MAP2: variants seen among roughly 807,000 people sequenced by gnomAD.
MAP2 encodes microtubule-associated protein 2.
MAP2 carries 14 observed loss-of-function variants against 137.6 expected under a neutral mutation model. The ratio of observed to expected loss-of-function variants is 0.10; its 90% CI spans 0.07 to 0.16. The LOEUF (loss-of-function observed/expected upper bound fraction) is 0.16. MAP2 is among the 10% of genes least tolerant of loss of function. The pLI, the probability that MAP2 is intolerant of heterozygous loss-of-function variation, is 1.00. For synonymous variants in MAP2, 786 were observed against 782.3 expected, an observed-to-expected ratio of 1.00 and a Z score of -0.08; for missense variants, 2,088 against 2,191.5, an observed-to-expected ratio of 0.95 and a Z score of 0.94.
intron 14 of MAP2, 97 bp downstream of exon 14, chr2:209,725,887 G>A (rs1051198037): frequency 3.0e-6 from 2 of 661,674 alleles, no homozygotes; most frequent in African/African-American, 1.9e-5. Flanking sequence ...TAATTGGAAG[G>A]ATGTTTTAAA....
intron 3 of MAP2, among the ~76,000 whole-genome samples, chr2:209,614,912 G>A (rs890518232): frequency 2.6e-5 from 4 of 152,132 alleles, no homozygotes; most frequent in Admixed American, 1.3e-4. Flanking sequence ...CCAGTGAGTC[G>A]ATGAACTTCC....
chr2:209,579,496 A>T (rs2075909827), intron 2 of MAP2: 1 of 152,182 alleles, frequency 6.6e-6, no homozygotes, highest in African/African-American at 2.4e-5. Context: ...GTGGCTTGTC[A>T]TCATTCTCGA....
intron 2 of MAP2, among the ~76,000 whole-genome samples, chr2:209,554,998 G>C (rs2070214067): frequency 6.7e-6 from 1 of 149,142 alleles, no homozygotes; most frequent in South Asian, 2.1e-4. Flanking sequence ...GTTTCAGAAG[G>C]GATTTAAAGT....
intron 10 of MAP2, among the ~76,000 whole-genome samples, chr2:209,697,534 G>T (rs2060522035): frequency 6.6e-6 from 1 of 151,742 alleles, no homozygotes; most frequent in Non-Finnish European, 1.5e-5. Flanking sequence ...AAAATGAAAA[G>T]CAAGCCAGGA....
chr2:209,473,446 C>T (rs1023866540), intron 1 of MAP2, among the ~76,000 whole-genome samples: 1 of 152,128 alleles, frequency 6.6e-6, no homozygotes, highest in South Asian at 2.1e-4. Flanking sequence ...GAAGAGTCTA[C>T]AGCAGGACCT....
chr2:209,588,962 T>C (rs534326933), intron 3 of MAP2, among the ~76,000 whole-genome samples: 2 of 152,266 alleles, frequency 1.3e-5, no homozygotes, highest in South Asian at 4.1e-4. Flanking sequence ...TGGCTGTACT[T>C]TTCCTCTGTA....
Position 209,696,247 on chromosome 2 carries a change from T to A in MAP2, c.4077T>A (p.Val1359=), listed in dbSNP as rs139772651. The A allele has an allele frequency of 9.9e-6, 16 of 1,613,162 alleles. No individual in the cohort carries two copies. The highest frequency in any genetic ancestry group is 1.3e-5 in the African/African-American group (1 of 74,792). ...CAGCTTCCCCTGAGAGAGAAGAGGT[T>A]GCACTTTCTGAATATAAGACAGAAA... ...EAPASPEREE[V]ALSEYKTETY... The change falls in exon 8 of 16, where the codon GTT becomes GTA. Residue 1359 remains valine, a synonymous_variant. Coordinates refer to ENST00000682079, the MANE Select transcript of MAP2 (RefSeq NM_001375505.1).
At chr2:209,606,225 G>A (rs976288381) in intron 3 of MAP2, among the ~76,000 whole-genome samples, 13 of 151,826 alleles carry the variant, frequency 8.6e-5, no homozygotes, top group African/African-American at 3.1e-4. Context: ...TTTTATTTCT[G>A]GCTCTTTCAT....
intron 2 of MAP2, among the ~76,000 whole-genome samples, chr2:209,512,263 C>A (rs36101555): frequency 0.058 from 8,787 of 151,866 alleles, 286 homozygotes; most frequent in South Asian, 0.092. Context: ...AAAACACCAC[C>A]TTGTGTCTGA....
chr2:209,672,036 G>A (rs899096494), intron 5 of MAP2, among the ~76,000 whole-genome samples: 1 of 151,878 alleles, frequency 6.6e-6, no homozygotes, highest in South Asian at 2.1e-4. Context: ...TTTAAAATGC[G>A]CTAAAAGCAA....
chr2:209,693,983 T>G lies in MAP2; in HGVS notation c.1813T>G (p.Ser605Ala). The G allele has an allele frequency of 6.2e-7, 1 of 1,613,806 alleles. No individual in the cohort carries two copies. Among genetic ancestry groups the G allele is most frequent in the Non-Finnish European group, 8.5e-7 (1 of 1,179,938 alleles). Reference protein sequence around the residue: ...LSDTRESVHESIDTMSPMHKN... With the variant: ...LSDTRESVHEAIDTMSPMHKN... ...TGACACTAGAGAAAGTGTCCATGAGTCTATTGATACCATGTCTCCCATGCA... is the reference window on the plus strand; with the variant it reads ...TGACACTAGAGAAAGTGTCCATGAGGCTATTGATACCATGTCTCCCATGCA... Residue 605 changes from serine (S) to alanine (A), a missense_variant, in exon 8 of 16, where the codon TCT becomes GCT. This residue lies in a region of MAP2 where 859 missense variants were observed against 794.5 expected (regional missense o/e 1.08). Coordinates refer to ENST00000682079, the MANE Select transcript of MAP2 (RefSeq NM_001375505.1).
chr2:209,490,765 T>C (rs2059009355), intron 1 of MAP2, among the ~76,000 whole-genome samples: 1 of 151,878 alleles, frequency 6.6e-6, no homozygotes, highest in Non-Finnish European at 1.5e-5. Flanking sequence ...CCTAAATATA[T>C]ATGCACCCAA....
rs767611221 is a variant in MAP2 at position 209,694,884 on chromosome 2, G to T, written c.2714G>T (p.Arg905Leu). The change falls in exon 8 of 16, where the codon CGA (arginine) becomes CTA (leucine). Residue 905 changes from arginine to leucine, a missense_variant. Arg to Leu is a moderately radical substitution (Grantham distance 102, BLOSUM62 -2). Around this residue, in one of 6 missense-constraint regions of MAP2, gnomAD observed 500 missense variants for 482.9 expected, o/e 1.04. Coordinates refer to ENST00000682079, the MANE Select transcript of MAP2 (RefSeq NM_001375505.1). ...TACGAAGGCACTGATGATAAAGTTCGAAGAGATTTGGCCACAGACCTTTCA... is the reference window on the plus strand; with the variant it reads ...TACGAAGGCACTGATGATAAAGTTCTAAGAGATTTGGCCACAGACCTTTCA... ...TFYEGTDDKV[R>L]RDLATDLSLI... 6.2e-7 allele frequency: 1 copy of T among 1,614,168 alleles called. No individual in the cohort carries two copies. The highest frequency in any genetic ancestry group is 1.7e-5 in the Admixed American group (1 of 60,016).
intron 1 of MAP2, among the ~76,000 whole-genome samples, chr2:209,473,953 T>C (rs567164164): frequency 2.6e-5 from 4 of 152,328 alleles, no homozygotes; most frequent in African/African-American, 9.6e-5. Context: ...CTTACTGTAT[T>C]TATTTGCCTT....
intron 1 of MAP2, among the ~76,000 whole-genome samples, chr2:209,506,982 GT>G (rs1485658907): frequency 3.3e-5 from 5 of 152,122 alleles, no homozygotes; most frequent in Non-Finnish European, 7.4e-5. Context: ...CCTGCTTCCT[GT>G]TTTTTCCTCC....
intron 1 of MAP2, among the ~76,000 whole-genome samples, chr2:209,459,798 A>G (rs1702338057): frequency 6.6e-6 from 1 of 152,160 alleles, no homozygotes; most frequent in Admixed American, 6.5e-5. Context: ...CCTAGTCTTC[A>G]TGCCTGCAGG....
chr2:209,699,940 T>C (rs937436768), intron 10 of MAP2, among the ~76,000 whole-genome samples: 2 of 152,198 alleles, frequency 1.3e-5, no homozygotes, highest in African/African-American at 4.8e-5. Flanking sequence ...TTTTGCAACA[T>C]TCACATTGCT....
At chr2:209,665,045 C>CA (rs1309273119) in intron 5 of MAP2, among the ~76,000 whole-genome samples, 1 of 134,290 alleles carries the variant, frequency 7.4e-6, no homozygotes, top group African/African-American at 2.7e-5. Context: ...AAACTGAAAA[C>CA]AGTCTAGATT....
At chr2:209,616,306 G>C (rs981559528) in intron 3 of MAP2, among the ~76,000 whole-genome samples, 7 of 152,188 alleles carry the variant, frequency 4.6e-5, no homozygotes, top group Non-Finnish European at 1.0e-4. Context: ...TGCTAACAGT[G>C]ATGATCCAAA....
Sources: gnomAD v4.1 joint callset for allele counts (sites outside exome capture counted in the v4.1 genomes callset) on GRCh38, gnomAD v4.1.1 for gene constraint, gnomAD v4.1.1 regional missense constraint, MANE v1.5 for transcripts, NCBI Gene and HGNC (gene_info 2026-07-23, HGNC 2026-07-21) for gene names.